STARD13: variants seen among roughly 807,000 people sequenced by gnomAD.
STARD13 encodes StAR related lipid transfer domain containing 13.
Under a neutral mutation model 106.4 loss-of-function variants are expected in STARD13, and 62 were observed. The observed-to-expected ratio is 0.58, with a 90% CI of 0.48 to 0.72. The LOEUF (loss-of-function observed/expected upper bound fraction) is 0.72. Ranked by LOEUF, STARD13 falls within the 30% of genes least tolerant of loss-of-function variation. STARD13 has a pLI of 0.00. For missense variants in STARD13, 1,387 were observed against 1,424.0 expected (o/e 0.97, Z 0.42); for synonymous variants, 565 against 553.0 (o/e 1.02, Z -0.31).
At chr13:33,118,725 A>C (rs1875786292) in intron 7 of STARD13, among the ~76,000 whole-genome samples, 1 of 152,190 alleles carries the variant, frequency 6.6e-6, no homozygotes, top group African/African-American at 2.4e-5. Context: ...GGTGAAAACA[A>C]TGTGGGTCGT....
the STARD13 span, among the ~76,000 whole-genome samples, chr13:33,414,663 TG>T: frequency 6.6e-6 from 1 of 152,110 alleles, no homozygotes; most frequent in East Asian, 1.9e-4. Context: ...GGGAAGTGGA[TG>T]TGACTACGGA....
At chr13:33,135,504 A>G (rs1206840532) in intron 4 of STARD13, among the ~76,000 whole-genome samples, 1 of 152,220 alleles carries the variant, frequency 6.6e-6, no homozygotes, top group Non-Finnish European at 1.5e-5. Flanking sequence ...TGTATAATGT[A>G]CAGAATCCAC....
the STARD13 span, among the ~76,000 whole-genome samples, chr13:33,483,235 C>T: frequency 8.5e-3 from 1,295 of 152,244 alleles, 14 homozygotes; most frequent in African/African-American, 0.03. Context: ...TGTGGATCTC[C>T]TAAGACCATG....
chr13:33,629,848 C>T, the STARD13 span, among the ~76,000 whole-genome samples: 1 of 152,280 alleles, frequency 6.6e-6, no homozygotes, highest in South Asian at 2.1e-4. Flanking sequence ...ATCTGAAACA[C>T]TATCTCCGGT....
chr13:33,531,075 C>T, the STARD13 span, among the ~76,000 whole-genome samples: 4 of 152,078 alleles, frequency 2.6e-5, no homozygotes, highest in Admixed American at 6.5e-5. Flanking sequence ...CTTTCCTGTG[C>T]TATTCCTGTA....
the STARD13 span, among the ~76,000 whole-genome samples, chr13:33,465,934 A>G: frequency 6.6e-6 from 1 of 152,156 alleles, no homozygotes; most frequent in Non-Finnish European, 1.5e-5. Context: ...ATATGAATAA[A>G]TATAATAATA....
chr13:33,319,241 T>C (rs540671938), intron 1 of STARD13, among the ~76,000 whole-genome samples: 89 of 152,306 alleles, frequency 5.8e-4, no homozygotes, highest in Non-Finnish European at 7.8e-4. Flanking sequence ...CTGATGCATG[T>C]TACAATATGG....
At chr13:33,153,954 T>C (rs1431155498) in intron 3 of STARD13, among the ~76,000 whole-genome samples, 1 of 152,040 alleles carries the variant, frequency 6.6e-6, no homozygotes, top group Non-Finnish European at 1.5e-5. Context: ...GTTCTTAACC[T>C]AGGGATCAAA....
At chr13:33,436,608 T>C in the STARD13 span, among the ~76,000 whole-genome samples, 2 of 152,202 alleles carry the variant, frequency 1.3e-5, no homozygotes, top group Non-Finnish European at 1.5e-5. Flanking sequence ...CACAGCATAA[T>C]AGGCATAAAC....
At chr13:33,224,147 G>T (rs1028123044) in intron 1 of STARD13, among the ~76,000 whole-genome samples, 3 of 152,166 alleles carry the variant, frequency 2.0e-5, no homozygotes, top group Non-Finnish European at 1.5e-5. Context: ...TAATGTGCAG[G>T]CTGAGAAAGC....
chr13:33,591,106 A>G, the STARD13 span, among the ~76,000 whole-genome samples: 1 of 152,148 alleles, frequency 6.6e-6, no homozygotes, highest in Non-Finnish European at 1.5e-5. Flanking sequence ...TCTCCTACAT[A>G]TTTTCACCTT....
chr13:33,487,471 G>C, the STARD13 span, among the ~76,000 whole-genome samples: 1 of 152,096 alleles, frequency 6.6e-6, no homozygotes, highest in East Asian at 1.9e-4. Context: ...TAAATAGTCT[G>C]TGAAAAGAAA....
chr13:33,600,915 T>C, the STARD13 span, among the ~76,000 whole-genome samples: 2 of 152,216 alleles, frequency 1.3e-5, no homozygotes, highest in Non-Finnish European at 2.9e-5. Flanking sequence ...TATCTTCTCC[T>C]ACGTACTATG....
the STARD13 span, among the ~76,000 whole-genome samples, chr13:33,523,966 C>T: frequency 6.6e-6 from 1 of 152,098 alleles, no homozygotes. Flanking sequence ...TATGTACAAT[C>T]CACTGCCATG....
chr13:33,676,104 C>G, the STARD13 span, among the ~76,000 whole-genome samples: 2 of 152,102 alleles, frequency 1.3e-5, no homozygotes, highest in Non-Finnish European at 2.9e-5. Context: ...TTTAATTTGC[C>G]GCAATCACAG....
At chr13:33,362,763 A>G in the STARD13 span, among the ~76,000 whole-genome samples, 2 of 152,068 alleles carry the variant, frequency 1.3e-5, no homozygotes, top group Admixed American at 1.3e-4. Flanking sequence ...ACCAGAACGT[A>G]TGTCCACATA....
the STARD13 span, among the ~76,000 whole-genome samples, chr13:33,369,800 T>C: frequency 2.6e-5 from 4 of 152,108 alleles, no homozygotes; most frequent in Non-Finnish European, 4.4e-5. Flanking sequence ...GAATAGAAAA[T>C]CACCGGGCTT....
the STARD13 span, among the ~76,000 whole-genome samples, chr13:33,644,616 G>A: frequency 6.6e-6 from 1 of 152,188 alleles, no homozygotes; most frequent in Non-Finnish European, 1.5e-5. Flanking sequence ...ATGAAAGAGA[G>A]GGGGAGGTCA....
At chr13:33,562,371 G>T in the STARD13 span, among the ~76,000 whole-genome samples, 8 of 146,062 alleles carry the variant, frequency 5.5e-5, 1 homozygote, top group African/African-American at 2.0e-4. Context: ...TTTTCTCTTT[G>T]CCTAGAATAA....
Sources: allele counts gnomAD v4.1 joint callset (sites outside exome capture counted in the v4.1 genomes callset), GRCh38; gene constraint gnomAD v4.1.1; transcripts MANE v1.5; gene names NCBI Gene and HGNC (gene_info 2026-07-23, HGNC 2026-07-21).